The following ZBTB8A variants were observed in gnomAD, a reference collection of about 807,000 sequenced individuals.
The protein encoded by ZBTB8A is zinc finger and BTB domain-containing protein 8A.
Under a neutral mutation model 37.8 loss-of-function variants are expected in ZBTB8A, and 19 were observed. The observed-to-expected ratio is 0.50, with a 90% CI of 0.35 to 0.74. The LOEUF is 0.74. Among genes scored for constraint, ZBTB8A ranks in the 30% least tolerant of loss-of-function variants. The pLI is 0.01. For missense variants in ZBTB8A, 394 were observed against 537.8 expected (o/e 0.73, Z 2.65); for synonymous variants, 181 against 185.2 (o/e 0.98, Z 0.19).
intron 1 of ZBTB8A, among the ~76,000 whole-genome samples, chr1:32,551,262 GTC>G (rs1468537432): frequency 6.6e-6 from 1 of 151,672 alleles, no homozygotes; most frequent in Non-Finnish European, 1.5e-5. Flanking sequence ...GAAAAACCCT[GTC>G]TCTACAAAAA....
At chr1:32,592,127 C>A (rs1397040055) in intron 2 of ZBTB8A, among the ~76,000 whole-genome samples, 1 of 152,136 alleles carries the variant, frequency 6.6e-6, no homozygotes, top group Non-Finnish European at 1.5e-5. Context: ...AGGCGTGAGC[C>A]ACCACGCCTG....
At chr1:32,597,782 T>C (rs12030780) in intron 4 of ZBTB8A, among the ~76,000 whole-genome samples, 19,399 of 152,182 alleles carry the variant, frequency 0.13, 1,358 homozygotes, top group African/African-American at 0.21. Flanking sequence ...CAGAGTCTCG[T>C]TCTGTCATCC....
chr1:32,542,778 T>C (rs1211992345), intron 1 of ZBTB8A, among the ~76,000 whole-genome samples: 8 of 152,242 alleles, frequency 5.3e-5, no homozygotes, highest in Non-Finnish European at 1.2e-4. Context: ...AATTCTGTTA[T>C]ATTCTTGGGA....
intron 2 of ZBTB8A, among the ~76,000 whole-genome samples, chr1:32,590,525 T>C (rs1256680630): frequency 1.3e-5 from 2 of 152,214 alleles, no homozygotes; most frequent in African/African-American, 2.4e-5. Context: ...TAGCCATTAC[T>C]GGCCCACACA....
At chr1:32,579,698 G>A (rs1175719859) in intron 2 of ZBTB8A, among the ~76,000 whole-genome samples, 1 of 152,084 alleles carries the variant, frequency 6.6e-6, no homozygotes, top group African/African-American at 2.4e-5. Context: ...CAAAGTGATA[G>A]TAGGACATAC....
intron 2 of ZBTB8A, among the ~76,000 whole-genome samples, chr1:32,569,157 G>A (rs769692071): frequency 6.6e-6 from 1 of 152,204 alleles, no homozygotes. Context: ...AGCCATGATG[G>A]TGGGTGTGTA....
chr1:32,553,277 C>G (rs1005737006), intron 1 of ZBTB8A, among the ~76,000 whole-genome samples, 182 bp from the exon 2 acceptor site: 1 of 152,148 alleles, frequency 6.6e-6, no homozygotes, highest in Non-Finnish European at 1.5e-5. Context: ...CCAGGCTGGT[C>G]TCAAACTCCT....
intron 2 of ZBTB8A, among the ~76,000 whole-genome samples, chr1:32,579,295 C>A (rs531291703): frequency 6.6e-6 from 1 of 151,700 alleles, no homozygotes; most frequent in African/African-American, 2.4e-5. Flanking sequence ...CTAAAAAATA[C>A]AAAAATTAGC....
intron 1 of ZBTB8A, among the ~76,000 whole-genome samples, chr1:32,545,970 ACT>A (rs370499025): frequency 3.5e-4 from 53 of 150,836 alleles, no homozygotes; most frequent in African/African-American, 1.1e-3. Context: ...CTCTTCTCTG[ACT>A]CTCTCTCTCT....
At chr1:32,576,959 G>A (rs948932196) in intron 2 of ZBTB8A, among the ~76,000 whole-genome samples, 6 of 143,384 alleles carry the variant, frequency 4.2e-5, no homozygotes, top group African/African-American at 1.3e-4. Context: ...TGCAACCTCC[G>A]CCTTCCAGGT....
At chr1:32,552,727 A>G (rs965906826) in intron 1 of ZBTB8A, among the ~76,000 whole-genome samples, 2 of 151,838 alleles carry the variant, frequency 1.3e-5, no homozygotes, top group South Asian at 4.2e-4. Context: ...ATATTTTAAT[A>G]TTGGAAATCT....
intron 1 of ZBTB8A, among the ~76,000 whole-genome samples, chr1:32,545,421 T>C (rs991212065): frequency 2.6e-5 from 4 of 152,220 alleles, no homozygotes; most frequent in Non-Finnish European, 5.9e-5. Flanking sequence ...TTTAATCCTC[T>C]TAACAGACTT....
intron 1 of ZBTB8A, among the ~76,000 whole-genome samples, chr1:32,540,557 A>G (rs1306779500): frequency 3.3e-5 from 5 of 152,144 alleles, no homozygotes; most frequent in Non-Finnish European, 5.9e-5. Flanking sequence ...GGGTGACCAT[A>G]GCCGCCCAGG....
intron 2 of ZBTB8A, among the ~76,000 whole-genome samples, chr1:32,560,261 C>G (rs914486895): frequency 6.6e-6 from 1 of 152,070 alleles, no homozygotes; most frequent in African/African-American, 2.4e-5. Context: ...GATTACAATT[C>G]GACATGAGAT....
intron 2 of ZBTB8A, 93 bp from the exon 3 acceptor site, chr1:32,592,838 C>A: frequency 9.5e-7 from 1 of 1,056,470 alleles, no homozygotes; most frequent in Non-Finnish European, 1.4e-6. Context: ...CACTGCACTG[C>A]AGCCTGGGCC....
chr1:32,561,139 C>T (rs953261090), intron 2 of ZBTB8A, among the ~76,000 whole-genome samples: 10 of 150,132 alleles, frequency 6.7e-5, no homozygotes, highest in African/African-American at 2.5e-4. Flanking sequence ...AGGTGCTCCA[C>T]CCATTTCTCA....
At chr1:32,567,184 T>C (rs1214440472) in intron 2 of ZBTB8A, among the ~76,000 whole-genome samples, 1 of 152,064 alleles carries the variant, frequency 6.6e-6, no homozygotes, top group Non-Finnish European at 1.5e-5. Context: ...AGGCCCATCC[T>C]ACATGTCTGG....
intron 2 of ZBTB8A, among the ~76,000 whole-genome samples, chr1:32,590,541 G>A (rs1286452777): frequency 6.6e-6 from 1 of 152,126 alleles, no homozygotes; most frequent in East Asian, 1.9e-4. Context: ...ACACAGCTTG[G>A]GCTGTGCTGC....
chr1:32,542,542 C>G (rs961890854), intron 1 of ZBTB8A, among the ~76,000 whole-genome samples: 4 of 152,172 alleles, frequency 2.6e-5, no homozygotes, highest in African/African-American at 9.7e-5. Context: ...CCACTGCACT[C>G]TAGCCTGGGC....
Sources: gnomAD v4.1 joint callset for allele counts (sites outside exome capture counted in the v4.1 genomes callset) on GRCh38, gnomAD v4.1.1 for gene constraint, MANE v1.5 for transcripts, NCBI Gene and HGNC (gene_info 2026-07-23, HGNC 2026-07-21) for gene names.